MTTP: variants seen among roughly 807,000 people sequenced by gnomAD.
MTTP encodes microsomal triglyceride transfer protein.
MTTP carries 49 observed loss-of-function variants against 90.6 expected under a neutral mutation model. That is an observed-to-expected ratio of 0.54 (90% CI 0.43 to 0.69). The LOEUF is 0.69. Among genes scored for constraint, MTTP ranks in the 30% least tolerant of loss-of-function variants. The probability of loss-of-function intolerance (pLI) is 0.00; values close to 1 mark genes in which losing one functional copy is unlikely to be tolerated. For missense variants in MTTP, 945 were observed against 1,067.5 expected (o/e 0.89, Z 1.60); for synonymous variants, 347 against 384.2 (o/e 0.90, Z 1.13).
chr4:99,604,027 GATA>G (rs1246441903), intron 10 of MTTP, among the ~76,000 whole-genome samples: 1 of 151,952 alleles, frequency 6.6e-6, no homozygotes, highest in African/African-American at 2.4e-5. Context: ...CATCTTTGAG[GATA>G]ATAAGATTTG....
chr4:99,587,518 C>A (rs1171118814), intron 3 of MTTP, among the ~76,000 whole-genome samples: 1 of 152,088 alleles, frequency 6.6e-6, no homozygotes, highest in Non-Finnish European at 1.5e-5. Context: ...AGCACTGAAC[C>A]TTATGCACAG....
Position 99,583,459 on chromosome 4 carries a change from G to C in MTTP, c.335G>C (p.Gly112Ala). The C allele has an allele frequency of 6.2e-7, 1 of 1,613,618 alleles. No homozygotes were observed. The highest frequency in any genetic ancestry group is 8.5e-7 in the Non-Finnish European group (1 of 1,179,798). Reference sequence around the variant, plus strand: ...GGAAAAAGCCCATCTAAAATAATGGGAAAGGAAAACTTGGAAGCTCTGCAA... The same window carrying C: ...GGAAAAAGCCCATCTAAAATAATGGCAAAGGAAAACTTGGAAGCTCTGCAA... ...FKGKSPSKIM[G>A]KENLEALQRP... The change falls in exon 3 of 18, where the codon GGA becomes GCA. Residue 112 changes from glycine (G) to alanine (A), a missense_variant. Gly to Ala is a moderately conservative substitution (Grantham distance 60, BLOSUM62 0). Coordinates refer to ENST00000265517, the MANE Select transcript of MTTP (RefSeq NM_001386140.1).
At chr4:99,593,986 A>G (rs770655418) in intron 6 of MTTP, among the ~76,000 whole-genome samples, 4 of 152,140 alleles carry the variant, frequency 2.6e-5, no homozygotes, top group Non-Finnish European at 5.9e-5. Context: ...CAGTCAAACT[A>G]TTCAAAGGTG....
upstream of MTTP, among the ~76,000 whole-genome samples, chr4:99,572,222 T>G (rs1413720252): frequency 2.0e-5 from 3 of 151,996 alleles, no homozygotes; most frequent in Non-Finnish European, 4.4e-5. Flanking sequence ...GGAATTTCAT[T>G]GCAATAGCAT....
intron 2 of MTTP, 131 bp downstream of exon 2, chr4:99,582,223 G>T: frequency 1.1e-6 from 1 of 922,394 alleles, no homozygotes; most frequent in Non-Finnish European, 1.7e-6. Flanking sequence ...ACTAAAACAA[G>T]CAGTTCTATG....
chr4:99,602,862 T>C (rs759803539), intron 10 of MTTP, among the ~76,000 whole-genome samples: 3 of 152,116 alleles, frequency 2.0e-5, no homozygotes, highest in Non-Finnish European at 4.4e-5. Flanking sequence ...GGCATGATGC[T>C]AGTCCTCAAA....
At chr4:99,596,056 A>G (rs1365473090) in intron 7 of MTTP, among the ~76,000 whole-genome samples, 1 of 152,164 alleles carries the variant, frequency 6.6e-6, no homozygotes, top group Non-Finnish European at 1.5e-5. Flanking sequence ...AACAAAAACA[A>G]AAACACCTGA....
chr4:99,571,217 A>G (rs1724834697), upstream of MTTP, among the ~76,000 whole-genome samples: 1 of 151,936 alleles, frequency 6.6e-6, no homozygotes, highest in African/African-American at 2.4e-5. Context: ...ATAAATTCAT[A>G]TTTTTATATC....
In MTTP at chr4:99,594,899, T is replaced by C. The variant is rs1298061366; in HGVS notation, c.909+16T>C. 1 of 1,612,768 alleles carries C rather than the reference T, an allele frequency of 6.2e-7. No individual in the cohort carries two copies. Among genetic ancestry groups the C allele is most frequent in the Non-Finnish European group, 8.5e-7 (1 of 1,179,026 alleles). On this transcript the variant is annotated intron_variant, in intron 7 of 17. Transcript: ENST00000265517. ...ATGTCCTTCTGTAAGTGCAGACAAA[T>C]ATGGGAATAATCATGACATCAGACT...
rs537940164 is a variant in MTTP at position 99,617,800 on chromosome 4, G to T, written c.2218-1174G>T. On this transcript the variant is annotated intron_variant, in intron 15 of 17. Transcript: ENST00000265517. ...TCAGACAACCACAAAATTTGCTCAG[G>T]ATGGGCCATGTTTGTAAATAATTAC... Among the ~76,000 whole-genome samples, 25 of 152,246 alleles carry T rather than the reference G, an allele frequency of 1.6e-4. No individual in the cohort carries two copies. The South Asian group carries it at 5.2e-3, about 32-fold the overall frequency.
At chr4:99,603,865 G>A (rs1289419598) in intron 10 of MTTP, among the ~76,000 whole-genome samples, 2 of 152,126 alleles carry the variant, frequency 1.3e-5, no homozygotes, top group African/African-American at 4.8e-5. Flanking sequence ...TGTAGCATAA[G>A]GAAACAGAAC....
intron 8 of MTTP, among the ~76,000 whole-genome samples, chr4:99,598,724 C>G (rs189410283): frequency 7.7e-6 from 1 of 129,540 alleles, no homozygotes; most frequent in Non-Finnish European, 1.5e-5. Flanking sequence ...AGTGCAATGG[C>G]GCAATCTTGG....
At chr4:99,573,531 G>A (rs2110206766), upstream of MTTP, among the ~76,000 whole-genome samples, 1 of 152,232 alleles carries the variant, frequency 6.6e-6, no homozygotes, top group Non-Finnish European at 1.5e-5. Context: ...ATTTGTGACA[G>A]CAAATGAAAT....
At chr4:99,605,865 A>ACGTATG (rs1553927609) in intron 10 of MTTP, among the ~76,000 whole-genome samples, 7 of 65,300 alleles carry the variant, frequency 1.1e-4, no homozygotes, top group Non-Finnish European at 1.6e-4. Context: ...CCCCAACCCC[A>ACGTATG]TGTATGTGTG....
intron 15 of MTTP, among the ~76,000 whole-genome samples, chr4:99,616,374 C>T (rs530266216): frequency 9.2e-5 from 14 of 152,098 alleles, no homozygotes; most frequent in Admixed American, 1.3e-4. Flanking sequence ...CACTCCAGCC[C>T]GGGTGACAGA....
At position 99,603,273 on chromosome 4, in the gene MTTP, G is replaced by T. The variant is rs553527109; in HGVS notation, c.1344+1559G>T. ...AGATGGGAAAAGAGATGGAAGGTGA[G>T]CCAGATCTTCATTAATAACAAGCTA... On this transcript the variant is annotated intron_variant, in intron 10 of 17. Transcript: ENST00000265517. 2.6e-5 allele frequency among the ~76,000 whole-genome samples: 4 copies of T among 152,240 alleles called. No homozygotes were observed. The East Asian group carries it at 7.7e-4, about 29-fold the overall frequency.
chr4:99,590,836 T>TACAC lies in MTTP; in HGVS notation c.502-374_502-371dup, dbSNP rs34529437. Among the ~76,000 whole-genome samples the TACAC allele has an allele frequency of 3.7e-3, 551 of 148,416 alleles. 11 individuals are homozygous for TACAC. The highest frequency in any genetic ancestry group is 2.8e-3 in the South Asian group (13 of 4,716). On this transcript the variant is annotated intron_variant, in intron 4 of 17. Transcript: ENST00000265517. Reference sequence around the variant, plus strand: ...CTAATCATGTTCAGCTAGTTGAAGTTACACACACACACACACACACACACA... The same window carrying TACAC: ...CTAATCATGTTCAGCTAGTTGAAGTTACACACACACACACACACACACACACACA...
intron 1 of MTTP, among the ~76,000 whole-genome samples, chr4:99,578,039 C>T (rs1043869920): frequency 3.9e-5 from 6 of 152,082 alleles, no homozygotes; most frequent in African/African-American, 1.4e-4. Flanking sequence ...AATGCCATTA[C>T]CTATCACCCT....
At chr4:99,607,069 AG>A in intron 11 of MTTP, 109 bp downstream of exon 11, 1 of 946,858 alleles carries the variant, frequency 1.1e-6, no homozygotes, top group Non-Finnish European at 1.6e-6. Context: ...TTCCCCAAAT[AG>A]TCTTCTCTCC....
Sources: allele counts gnomAD v4.1 joint callset (sites outside exome capture counted in the v4.1 genomes callset), GRCh38; gene constraint gnomAD v4.1.1; transcripts MANE v1.5; gene names NCBI Gene and HGNC (gene_info 2026-07-23, HGNC 2026-07-21).